GK: variants seen among roughly 807,000 people sequenced by gnomAD.
GK encodes ATP:glycerol 3-phosphotransferase.
In GK, 9 loss-of-function variants were observed where a neutral mutation model predicts 56.4. The observed-to-expected ratio is 0.16, with a 90% CI of 0.10 to 0.28. The LOEUF is 0.28. Ranked by LOEUF, GK falls within the 10% of genes least tolerant of loss-of-function variation. The pLI is 1.00. For missense variants in GK, 161 were observed against 431.4 expected, an observed-to-expected ratio of 0.37 and a Z score of 5.55; for synonymous variants, 104 against 144.1, an observed-to-expected ratio of 0.72 and a Z score of 1.99.
chrX:30,673,948 A>G (rs1231457374), intron 3 of GK, among the ~76,000 whole-genome samples: 2 of 111,498 alleles, frequency 1.8e-5, no homozygotes, highest in Non-Finnish European at 3.8e-5. Context: ...TACATTCACA[A>G]TATGTACCCA....
At chrX:30,699,214 TACATGTTATATATACATGTTATGTATA>T (rs1301419827) in intron 9 of GK, among the ~76,000 whole-genome samples, 1,375 of 99,169 alleles carry the variant, frequency 0.014, 27 homozygotes, top group African/African-American at 0.045. Context: ...GTTATATATA[TACATGTTATATATACATGTTATGTATA>T]ACATGTTATA....
In GK at chrX:30,653,515, C is replaced by T. The variant is rs377111827; in HGVS notation, c.-23C>T. 1 of 1,200,643 alleles carries T rather than the reference C, an allele frequency of 8.3e-7. No individual in the cohort carries two copies. Among genetic ancestry groups the T allele is most frequent in the East Asian group, 3.0e-5 (1 of 33,717 alleles). On this transcript the variant is annotated 5_prime_UTR_variant, in exon 1 of 21. Transcript: ENST00000427190. The stretch of plus-strand genomic sequence containing the variant: ...TCACCCAGGAAACCGGCCGCAATCG[C>T]CGGCCGACCTGAAGCTGGTTTCATG...
chrX:30,723,719 C>T (rs1937014139), intron 18 of GK: 1 of 212,450 alleles, frequency 4.7e-6, no homozygotes, highest in South Asian at 6.8e-5. Flanking sequence ...ACCTCCCAGG[C>T]TCAAATGATC....
chrX:30,728,901 A>C lies in GK; in HGVS notation c.*159A>C, dbSNP rs1937250081. On this transcript the variant is annotated 3_prime_UTR_variant, in exon 21 of 21. Coordinates refer to ENST00000427190, the MANE Select transcript of GK (RefSeq NM_001205019.2). ...CCAAGTAGACCTGTGGCTTAAAATAAAGAAAATGCAGCAAAAAGAATGCTA... is the reference window on the plus strand; with the variant it reads ...CCAAGTAGACCTGTGGCTTAAAATACAGAAAATGCAGCAAAAAGAATGCTA... 4 of 482,051 alleles carry C rather than the reference A, an allele frequency of 8.3e-6. No individual in the cohort carries two copies. The East Asian group carries it at 1.4e-4, about 16-fold the overall frequency. The allele number at this position is 482,051 out of a possible 1,213,427, so 39.7% of individuals were successfully genotyped here.
intron 1 of GK, 105 bp downstream of exon 1, chrX:30,653,720 C>T: frequency 1.3e-6 from 1 of 783,601 alleles, no homozygotes; most frequent in South Asian, 2.2e-5. Context: ...GGCCCGGTGC[C>T]CCGGCCGCTG....
intron 4 of GK, among the ~76,000 whole-genome samples, chrX:30,688,926 A>G (rs111699075): frequency 0.053 from 5,981 of 112,157 alleles, 176 homozygotes; most frequent in Non-Finnish European, 0.078. Flanking sequence ...GTGGCTTTCA[A>G]ATGTATTTGT....
chrX:30,715,785 A>G (rs1936587117), intron 13 of GK, among the ~76,000 whole-genome samples: 1 of 112,075 alleles, frequency 8.9e-6, no homozygotes, highest in Non-Finnish European at 1.9e-5. Flanking sequence ...ACCATGTATT[A>G]TATCCTGACA....
intron 6 of GK, chrX:30,695,096 A>C: frequency 1.9e-6 from 1 of 531,784 alleles, no homozygotes; most frequent in Non-Finnish European, 2.8e-6. Flanking sequence ...ATTTTAAAAC[A>C]AATGCCAGAC....
At chrX:30,689,813 C>A (rs1934835496) in intron 4 of GK, among the ~76,000 whole-genome samples, 1 of 112,009 alleles carries the variant, frequency 8.9e-6, no homozygotes, top group South Asian at 3.7e-4. Context: ...TACCTCTCCC[C>A]AACAGATGCA....
At chrX:30,665,655 G>T in intron 2 of GK, 71 bp downstream of exon 2, 1 of 651,224 alleles carries the variant, frequency 1.5e-6, no homozygotes, top group Non-Finnish European at 2.5e-6. Flanking sequence ...TTGCCCTGTG[G>T]ATTTGTAAAG....
intron 12 of GK, 50 bp from the exon 13 acceptor site, chrX:30,708,004 T>C (rs899479814): frequency 1.2e-5 from 9 of 775,301 alleles, no homozygotes; most frequent in African/African-American, 8.2e-5. Flanking sequence ...AGTTCTCATG[T>C]TATCTTTTCA....
At chrX:30,683,012 C>T (rs1934363584) in intron 4 of GK, among the ~76,000 whole-genome samples, 1 of 110,835 alleles carries the variant, frequency 9.0e-6, no homozygotes, top group Non-Finnish European at 1.9e-5. Flanking sequence ...TCTCTAATAC[C>T]ATCATATTAG....
chrX:30,723,117 G>A (rs1936980768), intron 18 of GK, among the ~76,000 whole-genome samples: 1 of 111,690 alleles, frequency 9.0e-6, no homozygotes, highest in African/African-American at 3.3e-5. Flanking sequence ...CGTCTCCTGC[G>A]GGGCGTGGTG....
At chrX:30,701,075 C>CA (rs1475301917) in intron 11 of GK, among the ~76,000 whole-genome samples, 170 bp downstream of exon 11, 2 of 112,025 alleles carry the variant, frequency 1.8e-5, no homozygotes, top group Admixed American at 9.5e-5. Flanking sequence ...AAATAAAATA[C>CA]AAAATGCCAT....
chrX:30,709,677 C>T (rs927725848), intron 13 of GK, among the ~76,000 whole-genome samples: 1 of 111,218 alleles, frequency 9.0e-6, no homozygotes, highest in African/African-American at 3.3e-5. Flanking sequence ...ACTACTTTTG[C>T]TCCTCTAGCC....
At chrX:30,683,823 G>A (rs1252491856) in intron 4 of GK, among the ~76,000 whole-genome samples, 2 of 112,086 alleles carry the variant, frequency 1.8e-5, no homozygotes, top group Non-Finnish European at 3.8e-5. Context: ...CATGATGCAG[G>A]CATTTACAAT....
chrX:30,708,350 A>G (rs1233823065), intron 13 of GK, among the ~76,000 whole-genome samples: 1 of 110,923 alleles, frequency 9.0e-6, no homozygotes, highest in Non-Finnish European at 1.9e-5. Context: ...TTCTTATGCC[A>G]ATTAATCATG....
chrX:30,663,255 CA>C (rs201933112), intron 1 of GK, among the ~76,000 whole-genome samples: 2,918 of 111,649 alleles, frequency 0.026, 95 homozygotes, highest in African/African-American at 0.09. Flanking sequence ...AACAGTAACA[CA>C]GCTGGAATTT....
chrX:30,692,639 C>T (rs1473437549), intron 5 of GK, among the ~76,000 whole-genome samples: 2 of 110,057 alleles, frequency 1.8e-5, no homozygotes, highest in South Asian at 4.0e-4. Context: ...CCACCAAGCC[C>T]GGCTAATTTT....
Sources: gnomAD v4.1 joint callset for allele counts (sites outside exome capture counted in the v4.1 genomes callset) on GRCh38, gnomAD v4.1.1 for gene constraint, MANE v1.5 for transcripts, NCBI Gene and HGNC (gene_info 2026-07-23, HGNC 2026-07-21) for gene names.